Variants in B3GALT1 observed in about 807,000 individuals in gnomAD.
The protein encoded by B3GALT1 is UDP-Gal:betaGlcNAc beta 1,3-galactosyltransferase, polypeptide 1.
Under a neutral mutation model 23.2 loss-of-function variants are expected in B3GALT1, and 10 were observed. The ratio of observed to expected loss-of-function variants is 0.43; its 90% CI spans 0.27 to 0.73. B3GALT1 has a LOEUF of 0.73. B3GALT1 is among the 30% of genes least tolerant of loss of function. The probability of loss-of-function intolerance (pLI) is 0.21; values close to 1 mark genes in which losing one functional copy is unlikely to be tolerated. For missense variants in B3GALT1, 299 were observed against 405.4 expected, an observed-to-expected ratio of 0.74 and a Z score of 2.25; for synonymous variants, 156 against 141.5, an observed-to-expected ratio of 1.10 and a Z score of -0.73.
At chr2:167,374,865 TA>T (rs1458571221) in intron 1 of B3GALT1, among the ~76,000 whole-genome samples, 3 of 151,882 alleles carry the variant, frequency 2.0e-5, no homozygotes, top group African/African-American at 7.2e-5. Flanking sequence ...CTCTTGTAAA[TA>T]TTTTTTTTTG....
At chr2:167,393,123 G>A (rs993729464) in intron 1 of B3GALT1, among the ~76,000 whole-genome samples, 6 of 151,870 alleles carry the variant, frequency 4.0e-5, no homozygotes, top group African/African-American at 1.2e-4. Flanking sequence ...AGTCCCAGCT[G>A]CTTGGGAGGC....
At chr2:167,298,342 T>C (rs1696390495) in intron 1 of B3GALT1, among the ~76,000 whole-genome samples, 1 of 152,160 alleles carries the variant, frequency 6.6e-6, no homozygotes, top group Non-Finnish European at 1.5e-5. Context: ...CAGTTGCTCA[T>C]TAAACAGTTC....
chr2:167,345,124 A>T (rs1697208342), intron 1 of B3GALT1, among the ~76,000 whole-genome samples: 1 of 152,122 alleles, frequency 6.6e-6, no homozygotes, highest in African/African-American at 2.4e-5. Flanking sequence ...CAGTCTGGAG[A>T]TCTCATTTGA....
chr2:167,665,727 T>C (rs1356006927), intron 3 of B3GALT1, among the ~76,000 whole-genome samples: 3 of 152,254 alleles, frequency 2.0e-5, no homozygotes, highest in African/African-American at 4.8e-5. Context: ...TCCATTTCTT[T>C]TAGATTTTCT....
intron 4 of B3GALT1, among the ~76,000 whole-genome samples, chr2:167,849,365 G>A (rs1416528907): frequency 6.6e-6 from 1 of 152,142 alleles, no homozygotes; most frequent in East Asian, 1.9e-4. Context: ...ACAGCATGGT[G>A]CTGGTATAAA....
intron 2 of B3GALT1, among the ~76,000 whole-genome samples, chr2:167,588,792 T>A (rs1260831499): frequency 6.6e-6 from 1 of 151,744 alleles, no homozygotes; most frequent in Non-Finnish European, 1.5e-5. Context: ...TATATATATA[T>A]AATTCTTTTT....
chr2:167,664,448 CT>C (rs1686134100), intron 3 of B3GALT1, among the ~76,000 whole-genome samples: 1 of 151,930 alleles, frequency 6.6e-6, no homozygotes, highest in Non-Finnish European at 1.5e-5. Flanking sequence ...AATGCGGGCT[CT>C]TTTTTGGTTC....
chr2:167,666,985 C>T (rs1227218754), intron 3 of B3GALT1, among the ~76,000 whole-genome samples: 1 of 150,994 alleles, frequency 6.6e-6, no homozygotes, highest in Non-Finnish European at 1.5e-5. Flanking sequence ...GAATTTGATC[C>T]TGTCATTATG....
In B3GALT1 at chr2:167,800,590, G is replaced by C. The variant is rs138025995; in HGVS notation, c.-351-18082G>C. Among the ~76,000 whole-genome samples the C allele has an allele frequency of 7.0e-3, 1,073 of 152,302 alleles. 3 individuals are homozygous for C. The highest frequency in any genetic ancestry group is 0.011 in the Non-Finnish European group (752 of 68,028). The stretch of plus-strand genomic sequence containing the variant: ...TCTGCCTAGTAGTATCTGCATCTCA[G>C]CTTCCCTACCTGACCACAGATCCTT... On this transcript the variant is annotated intron_variant, in intron 3 of 4. Coordinates refer to ENST00000392690, the MANE Select transcript of B3GALT1 (RefSeq NM_020981.4).
At chr2:167,622,514 G>C (rs1197294702) in intron 2 of B3GALT1, among the ~76,000 whole-genome samples, 1 of 152,068 alleles carries the variant, frequency 6.6e-6, no homozygotes, top group South Asian at 2.1e-4. Context: ...AGAGGAAATT[G>C]TATCTGCAGC....
intron 2 of B3GALT1, among the ~76,000 whole-genome samples, chr2:167,501,783 A>G (rs1007578598): frequency 6.6e-6 from 1 of 151,600 alleles, no homozygotes; most frequent in Non-Finnish European, 1.5e-5. Context: ...CTCTTGGAGT[A>G]ATTAAATACC....
At position 167,690,544 on chromosome 2, in the gene B3GALT1, G is replaced by T. The variant is rs186922941; in HGVS notation, c.-352+43578G>T. Among the ~76,000 whole-genome samples, 6 of 152,184 alleles carry T rather than the reference G, an allele frequency of 3.9e-5. No individual in the cohort carries two copies. The East Asian group carries it at 1.2e-3, about 29-fold the overall frequency. On this transcript the variant is annotated intron_variant, in intron 3 of 4. Transcript: ENST00000392690. ...GTCTTTCTGAACATAAAAGGGCTTA[G>T]GGAAGAGGGAAAACACAGTTATAAA... is the stretch of plus-strand genomic sequence containing the variant.
intron 3 of B3GALT1, among the ~76,000 whole-genome samples, chr2:167,777,016 A>G (rs1383659877): frequency 6.6e-6 from 1 of 152,126 alleles, no homozygotes; most frequent in African/African-American, 2.4e-5. Context: ...GTAATGATCT[A>G]TTAATATAGA....
At chr2:167,444,475 T>C (rs561899045) in intron 1 of B3GALT1, among the ~76,000 whole-genome samples, 122 of 152,304 alleles carry the variant, frequency 8.0e-4, no homozygotes, top group African/African-American at 2.7e-3. Context: ...TGGTAGAATT[T>C]GGCTGTGAAT....
At chr2:167,325,194 T>C (rs1391368138) in intron 1 of B3GALT1, among the ~76,000 whole-genome samples, 1 of 152,120 alleles carries the variant, frequency 6.6e-6, no homozygotes, top group East Asian at 1.9e-4. Context: ...CTTTGATATA[T>C]TGATTTCTTT....
At chr2:167,694,478 T>C (rs1395825585) in intron 3 of B3GALT1, among the ~76,000 whole-genome samples, 1 of 152,164 alleles carries the variant, frequency 6.6e-6, no homozygotes, top group Non-Finnish European at 1.5e-5. Flanking sequence ...ATGTTTTCTA[T>C]CTAAAGAACT....
chr2:167,336,043 CT>C (rs1484091854), intron 1 of B3GALT1, among the ~76,000 whole-genome samples: 3 of 151,736 alleles, frequency 2.0e-5, no homozygotes, highest in Non-Finnish European at 4.4e-5. Flanking sequence ...TGCATTATTG[CT>C]TTTTCTTGCT....
At chr2:167,663,483 G>C (rs1686110686) in intron 3 of B3GALT1, among the ~76,000 whole-genome samples, 1 of 152,096 alleles carries the variant, frequency 6.6e-6, no homozygotes, top group South Asian at 2.1e-4. Flanking sequence ...CCCAGTAATG[G>C]GGTGGCTGGG....
At position 167,400,244 on chromosome 2, in the gene B3GALT1, C is replaced by T. The variant is rs148973865; in HGVS notation, c.-510-89933C>T. 8.7e-5 allele frequency among the ~76,000 whole-genome samples: 13 copies of T among 149,768 alleles called. No individual in the cohort carries two copies. The East Asian group carries it at 2.2e-3, about 25-fold the overall frequency. On this transcript the variant is annotated intron_variant, in intron 1 of 4. Coordinates refer to ENST00000392690, the MANE Select transcript of B3GALT1 (RefSeq NM_020981.4). Reference sequence around the variant, plus strand: ...CAGGCCTTTCCTCATTCATTCTGCTCGAAGCTAGGTGAGCCATTTCAATCT... The same window carrying T: ...CAGGCCTTTCCTCATTCATTCTGCTTGAAGCTAGGTGAGCCATTTCAATCT...
Sources: gnomAD v4.1 joint callset for allele counts (sites outside exome capture counted in the v4.1 genomes callset) on GRCh38, gnomAD v4.1.1 for gene constraint, MANE v1.5 for transcripts, NCBI Gene and HGNC (gene_info 2026-07-23, HGNC 2026-07-21) for gene names.